The following DLG2 variants were observed in gnomAD, a reference collection of about 807,000 sequenced individuals.
DLG2 encodes the protein disks large homolog 2.
DLG2 carries 45 observed loss-of-function variants against 132.5 expected under a neutral mutation model. The ratio of observed to expected loss-of-function variants is 0.34; its 90% CI spans 0.27 to 0.44. The LOEUF is 0.44. Among genes scored for constraint, DLG2 ranks in the 20% least tolerant of loss-of-function variants. DLG2 has a pLI of 1.00. For missense variants in DLG2, 1,045 were observed against 1,196.9 expected (o/e 0.87, Z 1.87); for synonymous variants, 424 against 419.6 (o/e 1.01, Z -0.13).
At chr11:84,709,982 G>T (rs2060198592) in intron 6 of DLG2, among the ~76,000 whole-genome samples, 1 of 151,924 alleles carries the variant, frequency 6.6e-6, no homozygotes, top group African/African-American at 2.4e-5. Context: ...TCTGGAGCAG[G>T]GCCTTCAACT....
intron 7 of DLG2, among the ~76,000 whole-genome samples, chr11:84,421,664 A>G (rs545621485): frequency 6.6e-6 from 1 of 152,150 alleles, no homozygotes; most frequent in Non-Finnish European, 1.5e-5. Flanking sequence ...TCCATCCTCC[A>G]TCAAATAATT....
intron 6 of DLG2, among the ~76,000 whole-genome samples, chr11:85,039,859 T>A (rs1027095848): frequency 2.6e-5 from 4 of 151,908 alleles, no homozygotes; most frequent in Non-Finnish European, 4.4e-5. Context: ...ACTCTTTAAA[T>A]TTTGGTTGAA....
At chr11:85,114,434 G>A (rs1032353372) in intron 5 of DLG2, among the ~76,000 whole-genome samples, 3 of 151,954 alleles carry the variant, frequency 2.0e-5, no homozygotes, top group African/African-American at 4.8e-5. Context: ...GTGACAAAAG[G>A]TAAAGCTTTC....
intron 10 of DLG2, among the ~76,000 whole-genome samples, chr11:84,096,794 C>G (rs955788928): frequency 3.9e-5 from 6 of 151,934 alleles, no homozygotes; most frequent in African/African-American, 1.5e-4. Flanking sequence ...GGGATATGTC[C>G]TCATTCAGAA....
chr11:85,274,738 A>C (rs1029175655), intron 4 of DLG2, among the ~76,000 whole-genome samples: 5 of 152,208 alleles, frequency 3.3e-5, no homozygotes, highest in African/African-American at 1.2e-4. Flanking sequence ...AAACCTTAAA[A>C]TATTACTTAA....
intron 6 of DLG2, among the ~76,000 whole-genome samples, chr11:84,668,134 T>C (rs1459760082): frequency 1.3e-5 from 2 of 152,090 alleles, no homozygotes; most frequent in African/African-American, 4.8e-5. Context: ...AAGTGCTTTC[T>C]AGAGTGCCCA....
intron 6 of DLG2, among the ~76,000 whole-genome samples, chr11:84,552,626 T>C (rs1014252470): frequency 2.0e-5 from 3 of 152,316 alleles, no homozygotes; most frequent in Admixed American, 6.5e-5. Flanking sequence ...GTTTATTTAA[T>C]TGTTTACTTT....
rs545634862 is a variant in DLG2 at position 84,489,587 on chromosome 11, A to G, written c.519+44983T>C. 3.5e-4 allele frequency among the ~76,000 whole-genome samples: 53 copies of G among 152,126 alleles called. 1 individual carries two copies. In the South Asian group the frequency reaches 0.011, roughly 31 times the overall value. The stretch of plus-strand genomic sequence containing the variant: ...ATTTTATTATACAAACCTAGCTCCT[A>G]ATAATTTATGTCAGTTGGCCTTCAT... On this transcript the variant is annotated intron_variant, in intron 7 of 27. Coordinates refer to ENST00000376104, the MANE Select transcript of DLG2 (RefSeq NM_001142699.3).
At chr11:84,302,077 T>A (rs1043855540) in intron 7 of DLG2, among the ~76,000 whole-genome samples, 1 of 152,054 alleles carries the variant, frequency 6.6e-6, no homozygotes, top group Admixed American at 6.5e-5. Context: ...AAACCATCAC[T>A]CTCAGCAAAC....
chr11:85,592,418 G>A (rs1285837020), intron 3 of DLG2, among the ~76,000 whole-genome samples: 1 of 152,132 alleles, frequency 6.6e-6, no homozygotes, highest in Non-Finnish European at 1.5e-5. Context: ...TAATTTGTTT[G>A]TTTCAACTGA....
chr11:85,139,031 TCATTCAAGGCTCTGCTCAGATGTTAC>T (rs2076296863), intron 5 of DLG2, among the ~76,000 whole-genome samples: 1 of 152,128 alleles, frequency 6.6e-6, no homozygotes, highest in South Asian at 2.1e-4. Flanking sequence ...CTCCTTCTCA[TCATTCAAGGCTCTGCTCAGATGTTAC>T]CACCTCAGCA....
intron 6 of DLG2, among the ~76,000 whole-genome samples, chr11:85,003,648 T>C (rs1240674412): frequency 6.6e-6 from 1 of 152,176 alleles, no homozygotes; most frequent in Non-Finnish European, 1.5e-5. Context: ...AGACCTTCTT[T>C]TGTTCAACAG....
intron 3 of DLG2, among the ~76,000 whole-genome samples, chr11:85,583,733 T>C (rs2078781124): frequency 6.6e-6 from 1 of 152,224 alleles, no homozygotes; most frequent in Non-Finnish European, 1.5e-5. Flanking sequence ...ACTCATGAGA[T>C]ACTTTCTCTT....
At chr11:83,554,960 G>C (rs949532702) in intron 19 of DLG2, among the ~76,000 whole-genome samples, 1 of 152,240 alleles carries the variant, frequency 6.6e-6, no homozygotes, top group Non-Finnish European at 1.5e-5. Context: ...TTGGAATTTA[G>C]AGACAAAACA....
Position 83,790,062 on chromosome 11 carries a change from A to G in DLG2, c.1723-3270T>C, listed in dbSNP as rs2041125169. On this transcript the variant is annotated intron_variant, in intron 17 of 27. Coordinates refer to ENST00000376104, the MANE Select transcript of DLG2 (RefSeq NM_001142699.3). The stretch of plus-strand genomic sequence containing the variant: ...ATTCTGGTATACTGACATAAAACAA[A>G]ATGACACAGGTACTGCAACGAGTGT... The G allele has an allele frequency of 3.2e-6, 4 of 1,234,736 alleles. No homozygotes were observed. In the African/African-American group the frequency reaches 6.1e-5, roughly 19 times the overall value. 76.5% of individuals were successfully genotyped at this position (1,234,736 alleles called of 1,614,324 possible).
chr11:85,186,681 G>C (rs1455027389), intron 4 of DLG2, among the ~76,000 whole-genome samples: 1 of 152,044 alleles, frequency 6.6e-6, no homozygotes, highest in Non-Finnish European at 1.5e-5. Context: ...CAGGATTACT[G>C]TCACATCCTG....
At chr11:84,600,216 GA>G (rs1332894166) in intron 6 of DLG2, among the ~76,000 whole-genome samples, 2 of 132,932 alleles carry the variant, frequency 1.5e-5, no homozygotes, top group African/African-American at 6.9e-5. Flanking sequence ...AAGAAAGAAA[GA>G]AAGAAAGAGA....
chr11:85,054,207 G>C (rs1440465779), intron 6 of DLG2, among the ~76,000 whole-genome samples: 1 of 151,028 alleles, frequency 6.6e-6, no homozygotes, highest in Non-Finnish European at 1.5e-5. Context: ...AGAGATTGCA[G>C]TGAGCCGAGA....
At chr11:84,088,304 C>T (rs1160617896) in intron 10 of DLG2, among the ~76,000 whole-genome samples, 1 of 151,092 alleles carries the variant, frequency 6.6e-6, no homozygotes, top group African/African-American at 2.4e-5. Flanking sequence ...TATTTGTCTA[C>T]AGTGTGAGAT....
Sources: allele counts gnomAD v4.1 joint callset (sites outside exome capture counted in the v4.1 genomes callset), GRCh38; gene constraint gnomAD v4.1.1; transcripts MANE v1.5; gene names NCBI Gene and HGNC (gene_info 2026-07-23, HGNC 2026-07-21).